The following ITGA1 variants were observed in gnomAD, a reference collection of about 807,000 sequenced individuals.
ITGA1 encodes integrin subunit alpha 1.
A neutral mutation model predicts 145.9 loss-of-function variants in ITGA1; 85 were observed. The observed-to-expected ratio is 0.58, with a 90% CI of 0.49 to 0.70. The LOEUF is 0.70. ITGA1 is among the 30% of genes least tolerant of loss of function. The probability of loss-of-function intolerance (pLI) is 0.00; values close to 1 mark genes in which losing one functional copy is unlikely to be tolerated. For missense variants in ITGA1, 1,351 were observed against 1,418.7 expected, an observed-to-expected ratio of 0.95 and a Z score of 0.77; for synonymous variants, 520 against 495.3, an observed-to-expected ratio of 1.05 and a Z score of -0.66.
chr5:52,862,443 A>G lies in ITGA1; in HGVS notation c.295+884A>G, dbSNP rs111522735. 2.3e-3 allele frequency among the ~76,000 whole-genome samples: 347 copies of G among 152,148 alleles called. 1 individual carries two copies. Among genetic ancestry groups the G allele is most frequent in the South Asian group, 0.016 (79 of 4,820 alleles). ...GCCATTTTGATTCCCTCTGTCCTTAATTTGCTTTAGAAAGTCATCAAGGAG... is the reference window on the plus strand; with the variant it reads ...GCCATTTTGATTCCCTCTGTCCTTAGTTTGCTTTAGAAAGTCATCAAGGAG... On this transcript the variant is annotated intron_variant, in intron 3 of 28. Transcript: ENST00000282588.
At position 52,909,109 on chromosome 5, in the gene ITGA1, A is replaced by T. The variant is rs543107247; in HGVS notation, c.1599+68A>T. 1.3e-5 allele frequency: 19 copies of T among 1,506,684 alleles called. No homozygotes were observed. The African/African-American group carries it at 2.6e-4, about 20-fold the overall frequency. 93.3% of individuals were successfully genotyped at this position (1,506,684 alleles called of 1,614,324 possible). ...CCTTCTCTTCATTTTTTAATAATAA[A>T]TTCCAATTTTTCACTCACTTTGAAA... is the stretch of plus-strand genomic sequence containing the variant. On this transcript the variant is annotated intron_variant, in intron 13 of 28. Coordinates refer to ENST00000282588, the MANE Select transcript of ITGA1 (RefSeq NM_181501.2).
chr5:52,821,949 G>A (rs981000829), intron 1 of ITGA1, among the ~76,000 whole-genome samples: 1 of 152,040 alleles, frequency 6.6e-6, no homozygotes, highest in Non-Finnish European at 1.5e-5. Flanking sequence ...GTGTGATTTT[G>A]TAGAAAACAC....
intron 6 of ITGA1, among the ~76,000 whole-genome samples, chr5:52,881,116 G>C (rs2126951): frequency 0.16 from 24,109 of 152,206 alleles, 2,321 homozygotes; most frequent in Middle Eastern, 0.27. Flanking sequence ...AACAAGGAAA[G>C]AAGGTGGAGT....
intron 1 of ITGA1, among the ~76,000 whole-genome samples, chr5:52,845,585 T>G (rs999014248): frequency 1.3e-5 from 2 of 152,202 alleles, no homozygotes; most frequent in African/African-American, 4.8e-5. Context: ...TGTCTTCATC[T>G]GTTCAAGAGT....
intron 20 of ITGA1, among the ~76,000 whole-genome samples, chr5:52,928,094 T>C (rs906906069): frequency 1.3e-5 from 2 of 152,180 alleles, no homozygotes; most frequent in Non-Finnish European, 2.9e-5. Flanking sequence ...GTGAGCAATA[T>C]ATTTCTGTTA....
intron 18 of ITGA1, among the ~76,000 whole-genome samples, chr5:52,923,990 G>A (rs1436032769): frequency 1.3e-5 from 2 of 152,162 alleles, no homozygotes; most frequent in African/African-American, 4.8e-5. Flanking sequence ...AAGGGACTGA[G>A]TTGTGTTCAC....
chr5:52,945,754 T>A (rs16880552), intron 27 of ITGA1, among the ~76,000 whole-genome samples: 2,682 of 152,334 alleles, frequency 0.018, 91 homozygotes, highest in East Asian at 0.15. Context: ...AAAATTCAAT[T>A]TGGAAGCTCC....
chr5:52,833,301 T>C (rs998607790), intron 1 of ITGA1, among the ~76,000 whole-genome samples: 1 of 152,186 alleles, frequency 6.6e-6, no homozygotes, highest in Non-Finnish European at 1.5e-5. Context: ...AGCTACCATC[T>C]GGAACCCTTA....
chr5:52,926,588 G>A (rs1176403357), intron 19 of ITGA1, among the ~76,000 whole-genome samples: 2 of 151,928 alleles, frequency 1.3e-5, no homozygotes, highest in African/African-American at 4.8e-5. Context: ...GTGACAGAGG[G>A]AGAACAAGAC....
intron 3 of ITGA1, chr5:52,863,846 A>G (rs1749643545): frequency 1.3e-5 from 2 of 152,226 alleles, no homozygotes; most frequent in South Asian, 2.1e-4. Flanking sequence ...TACAAGATCA[A>G]TGCATACAAT....
At chr5:52,934,076 AAT>A (rs1750931379) in intron 23 of ITGA1, 80 bp downstream of exon 23, 3 of 436,716 alleles carry the variant, frequency 6.9e-6, no homozygotes, top group Admixed American at 8.5e-5. Flanking sequence ...GACACATAAA[AAT>A]ATGTTGCTTC....
intron 8 of ITGA1, among the ~76,000 whole-genome samples, chr5:52,891,268 T>TTC (rs1160137445): frequency 7.3e-5 from 11 of 151,366 alleles, no homozygotes; most frequent in Admixed American, 2.6e-4. Context: ...TTTTCTTTTT[T>TTC]TTTTTTCATT....
intron 18 of ITGA1, 41 bp from the exon 19 acceptor site, chr5:52,925,237 G>C: frequency 6.7e-7 from 1 of 1,487,484 alleles, no homozygotes; most frequent in Non-Finnish European, 9.4e-7. Context: ...TCAACAATGC[G>C]TAGCTAAATT....
chr5:52,801,595 G>A, intron 1 of ITGA1: 1 of 1,614,038 alleles, frequency 6.2e-7, no homozygotes, highest in South Asian at 1.1e-5. Flanking sequence ...GGCCAATGAA[G>A]CCATGGCAAT....
intron 14 of ITGA1, among the ~76,000 whole-genome samples, chr5:52,912,738 GTGTA>G (rs1299601951): frequency 6.3e-5 from 7 of 111,514 alleles, no homozygotes; most frequent in Admixed American, 8.8e-5. Context: ...GTGTGTGTGT[GTGTA>G]TATATATATA....
intron 1 of ITGA1, chr5:52,804,195 A>G (rs1224587202): frequency 6.6e-6 from 1 of 152,176 alleles, no homozygotes; most frequent in Non-Finnish European, 1.5e-5. Flanking sequence ...TCTAATTCCA[A>G]CTGCTACTCA....
intron 1 of ITGA1, among the ~76,000 whole-genome samples, chr5:52,832,781 G>GTGTGTGTC (rs1554042242): frequency 0.12 from 17,142 of 142,496 alleles, 1,412 homozygotes; most frequent in African/African-American, 0.23. Flanking sequence ...GTGTGTGTGT[G>GTGTGTGTC]TGTGTGTGTG....
At chr5:52,875,849 G>T (rs534093797) in intron 6 of ITGA1, among the ~76,000 whole-genome samples, 1 of 151,682 alleles carries the variant, frequency 6.6e-6, no homozygotes, top group Non-Finnish European at 1.5e-5. Context: ...TCATCCCAAC[G>T]TAATTGGCTA....
chr5:52,864,987 A>G lies in ITGA1; in HGVS notation c.401A>G (p.Tyr134Cys). ...NGGFLACGPL[Y>C]AYRCGHLHYT... ...TTTTTAAAGGCTTGTGGGCCCTTAT[A>G]TGCCTATAGATGTGGACATTTGCAT... is the stretch of plus-strand genomic sequence containing the variant. The change falls in exon 5 of 29, where the codon TAT becomes TGT. Residue 134 changes from tyrosine to cysteine, a missense_variant. By Grantham distance (194) the Tyr-to-Cys change is radical. Coordinates refer to ENST00000282588, the MANE Select transcript of ITGA1 (RefSeq NM_181501.2). The G allele has an allele frequency of 6.2e-7, 1 of 1,611,522 alleles. No homozygotes were observed. Among genetic ancestry groups the G allele is most frequent in the Non-Finnish European group, 8.5e-7 (1 of 1,179,164 alleles).
Sources: allele counts gnomAD v4.1 joint callset (sites outside exome capture counted in the v4.1 genomes callset), GRCh38; gene constraint gnomAD v4.1.1; transcripts MANE v1.5; gene names NCBI Gene and HGNC (gene_info 2026-07-23, HGNC 2026-07-21).